CACNA2D3: variants seen among roughly 807,000 people sequenced by gnomAD.
The protein encoded by CACNA2D3 is voltage-dependent calcium channel subunit alpha-2/delta-3.
In CACNA2D3, 60 loss-of-function variants were observed where a neutral mutation model predicts 160.6. That is an observed-to-expected ratio of 0.37 (90% CI 0.30 to 0.46). CACNA2D3 has a LOEUF of 0.46. Among genes scored for constraint, CACNA2D3 ranks in the 20% least tolerant of loss-of-function variants. CACNA2D3 has a pLI of 1.00. For synonymous variants in CACNA2D3, 558 were observed against 492.9 expected (o/e 1.13, Z -1.75); for missense variants, 1,205 against 1,365.0 (o/e 0.88, Z 1.85).
At chr3:54,255,688 T>C (rs1702278393) in intron 2 of CACNA2D3, among the ~76,000 whole-genome samples, 1 of 152,158 alleles carries the variant, frequency 6.6e-6, no homozygotes, top group Non-Finnish European at 1.5e-5. Context: ...GAACCTTCCC[T>C]GTCTGCTTCC....
At chr3:54,474,887 T>C (rs1294481188) in intron 4 of CACNA2D3, among the ~76,000 whole-genome samples, 1 of 152,214 alleles carries the variant, frequency 6.6e-6, no homozygotes, top group Non-Finnish European at 1.5e-5. Flanking sequence ...AGCTTTGAGA[T>C]ACTGGGCCGA....
intron 35 of CACNA2D3, among the ~76,000 whole-genome samples, chr3:55,058,432 A>G (rs1704419157): frequency 6.6e-6 from 1 of 152,090 alleles, no homozygotes; most frequent in Non-Finnish European, 1.5e-5. Flanking sequence ...GGGAGAACCC[A>G]CCCCAAGGAT....
At chr3:54,966,718 C>G (rs184202507) in intron 27 of CACNA2D3, among the ~76,000 whole-genome samples, 319 of 152,228 alleles carry the variant, frequency 2.1e-3, no homozygotes, top group African/African-American at 7.2e-3. Flanking sequence ...ACTCGGGAGG[C>G]TGAGGCATGA....
intron 27 of CACNA2D3, among the ~76,000 whole-genome samples, chr3:54,917,811 C>T (rs1526585): frequency 0.49 from 73,781 of 151,938 alleles, 18,482 homozygotes; most frequent in East Asian, 0.76. Flanking sequence ...TCCTATTATC[C>T]GGACATGGAA....
At chr3:55,017,024 C>G (rs1375018643) in intron 34 of CACNA2D3, among the ~76,000 whole-genome samples, 1 of 152,194 alleles carries the variant, frequency 6.6e-6, no homozygotes, top group Non-Finnish European at 1.5e-5. Context: ...TAGTTCTGCC[C>G]ACCAACCAGT....
At chr3:54,234,637 A>C (rs1297730603) in intron 2 of CACNA2D3, among the ~76,000 whole-genome samples, 1 of 152,254 alleles carries the variant, frequency 6.6e-6, no homozygotes, top group Non-Finnish European at 1.5e-5. Flanking sequence ...GATTGGATAA[A>C]GAAAATGTGG....
At chr3:54,150,289 G>A (rs1700123843) in intron 2 of CACNA2D3, among the ~76,000 whole-genome samples, 1 of 152,152 alleles carries the variant, frequency 6.6e-6, no homozygotes, top group South Asian at 2.1e-4. Flanking sequence ...TACTTTAAAT[G>A]TTAAAGGTCT....
chr3:54,189,695 G>A (rs1202226150), intron 2 of CACNA2D3, among the ~76,000 whole-genome samples: 1 of 152,132 alleles, frequency 6.6e-6, no homozygotes, highest in Admixed American at 6.5e-5. Context: ...GTTTGGAGAG[G>A]TCTGCTGGGA....
intron 11 of CACNA2D3, among the ~76,000 whole-genome samples, chr3:54,701,928 G>C (rs1388901618): frequency 6.6e-6 from 1 of 152,074 alleles, no homozygotes; most frequent in Non-Finnish European, 1.5e-5. Flanking sequence ...CAATGGAACA[G>C]GTCAGAGAAC....
intron 4 of CACNA2D3, among the ~76,000 whole-genome samples, chr3:54,412,969 C>T (rs1489917562): frequency 6.6e-6 from 1 of 151,746 alleles, no homozygotes; most frequent in Non-Finnish European, 1.5e-5. Context: ...TACATATTTA[C>T]CATTTCTGAC....
intron 14 of CACNA2D3, among the ~76,000 whole-genome samples, chr3:54,824,954 C>G (rs2106733796): frequency 6.6e-6 from 1 of 152,280 alleles, no homozygotes; most frequent in East Asian, 1.9e-4. Flanking sequence ...TTTACAGTTC[C>G]TTACATCTCA....
At chr3:54,603,432 GTC>G (rs1703101840) in intron 9 of CACNA2D3, among the ~76,000 whole-genome samples, 1 of 152,114 alleles carries the variant, frequency 6.6e-6, no homozygotes, top group South Asian at 2.1e-4. Flanking sequence ...ATCCTTAGGG[GTC>G]TCTCTGGCTC....
intron 5 of CACNA2D3, among the ~76,000 whole-genome samples, chr3:54,532,128 G>A: frequency 6.6e-6 from 1 of 152,174 alleles, no homozygotes; most frequent in East Asian, 1.9e-4. Context: ...AAAGTGTGGG[G>A]AAGAGAAAGA....
chr3:55,031,284 A>AT (rs1703684378), intron 35 of CACNA2D3, among the ~76,000 whole-genome samples: 1 of 152,124 alleles, frequency 6.6e-6, no homozygotes, highest in Admixed American at 6.6e-5. Context: ...GCTGTGCCCA[A>AT]TACTGCACCT....
At chr3:54,174,532 AT>A (rs146054433) in intron 2 of CACNA2D3, among the ~76,000 whole-genome samples, 3,407 of 149,622 alleles carry the variant, frequency 0.023, 200 homozygotes, top group East Asian at 0.17. Flanking sequence ...AGCTTGAACT[AT>A]TTTTTTTTTG....
chr3:54,737,618 A>G (rs1701560339), intron 11 of CACNA2D3, among the ~76,000 whole-genome samples: 1 of 152,078 alleles, frequency 6.6e-6, no homozygotes, highest in South Asian at 2.1e-4. Flanking sequence ...TTTGACTTTT[A>G]TTTTAAATAA....
In CACNA2D3 at chr3:54,736,018, CACAT is replaced by C. The variant is rs1371664263; in HGVS notation, c.1168-16575_1168-16572del. Among the ~76,000 whole-genome samples the C allele has an allele frequency of 2.7e-3, 215 of 80,812 alleles. 4 individuals carry two copies. The highest frequency in any genetic ancestry group is 0.011 in the African/African-American group (203 of 17,702). 53.0% of individuals were successfully genotyped at this position (80,812 alleles called of 152,430 possible). ...ACATATATATATATGTATATATATACACATACATATATATATGTATATATATACA... is the reference window on the plus strand; with the variant it reads ...ACATATATATATATGTATATATATACACATATATATATGTATATATATACA... On this transcript the variant is annotated intron_variant, in intron 11 of 37. Transcript: ENST00000474759.
At chr3:54,417,407 G>A (rs1699769913) in intron 4 of CACNA2D3, among the ~76,000 whole-genome samples, 1 of 152,110 alleles carries the variant, frequency 6.6e-6, no homozygotes, top group Non-Finnish European at 1.5e-5. Context: ...GTGTGAACTT[G>A]GGCAAGTCAT....
intron 35 of CACNA2D3, among the ~76,000 whole-genome samples, chr3:55,028,051 CTT>C (rs1393521714): frequency 1.3e-5 from 2 of 152,192 alleles, no homozygotes; most frequent in Non-Finnish European, 2.9e-5. Flanking sequence ...TAGCAGAAGT[CTT>C]TTCAGTCTTC....
Sources: allele counts gnomAD v4.1 joint callset (sites outside exome capture counted in the v4.1 genomes callset), GRCh38; gene constraint gnomAD v4.1.1; transcripts MANE v1.5; gene names NCBI Gene and HGNC (gene_info 2026-07-23, HGNC 2026-07-21).